Variants in CACNA1H observed in about 807,000 individuals in gnomAD.
The protein encoded by CACNA1H is calcium voltage-gated channel subunit alpha1 H, also known as voltage-dependent T-type calcium channel subunit alpha-1H.
CACNA1H carries 149 observed loss-of-function variants against 192.5 expected under a neutral mutation model. The observed-to-expected ratio is 0.77, with a 90% confidence interval of 0.68 to 0.89. CACNA1H has a LOEUF of 0.89. Among genes scored for constraint, CACNA1H ranks in the 40% least tolerant of loss-of-function variants. The probability of loss-of-function intolerance (pLI) is 0.00; values close to 1 mark genes in which losing one functional copy is unlikely to be tolerated. For missense variants in CACNA1H, 4,257 were observed against 3,423.5 expected (o/e 1.24, Z -6.08); for synonymous variants, 2,202 against 1,475.2 (o/e 1.49, Z -11.29).
intron 2 of CACNA1H, among the ~76,000 whole-genome samples, chr16:1,185,784 G>GGGAC: frequency 1.0e-5 from 1 of 97,940 alleles, no homozygotes; most frequent in Admixed American, 9.4e-5. Flanking sequence ...CCGGAGGCGG[G>GGGAC]GTGTGTATGG....
intron 2 of CACNA1H, among the ~76,000 whole-genome samples, chr16:1,171,259 C>T (rs1030022436): frequency 1.3e-5 from 2 of 152,014 alleles, no homozygotes; most frequent in East Asian, 1.9e-4. Context: ...GCAGCCTGCT[C>T]TGTGGGGCCC....
At chr16:1,219,194 G>T in intron 34 of CACNA1H, 64 bp downstream of exon 34, 1 of 1,421,220 alleles carries the variant, frequency 7.0e-7, no homozygotes, top group Non-Finnish European at 9.3e-7. Context: ...GGGATGCCTC[G>T]TCTCATCTGA....
intron 28 of CACNA1H, 45 bp downstream of exon 28, chr16:1,215,126 CTCTGGGG>C: frequency 1.3e-6 from 2 of 1,588,772 alleles, no homozygotes; most frequent in African/African-American, 1.3e-5. Context: ...CCCCTCAGGG[CTCTGGGG>C]GCTGGGGGCA....
chr16:1,191,997 G>A (rs11248859), intron 2 of CACNA1H, among the ~76,000 whole-genome samples: 54,343 of 152,244 alleles, frequency 0.36, 10,163 homozygotes, highest in African/African-American at 0.42. Context: ...TAGCTCGGGA[G>A]GCCGTCTGCA....
At chr16:1,217,883 G>T in intron 31 of CACNA1H, 36 bp from the exon 32 acceptor site, 1 of 1,568,996 alleles carries the variant, frequency 6.4e-7, no homozygotes, top group Non-Finnish European at 8.7e-7. Flanking sequence ...ACCCGGAGCG[G>T]GCTCGGCTGA....
intron 2 of CACNA1H, among the ~76,000 whole-genome samples, chr16:1,162,681 G>A (rs1963343066): frequency 6.6e-6 from 1 of 151,630 alleles, no homozygotes; most frequent in Admixed American, 6.6e-5. Flanking sequence ...AGCGTCTTGG[G>A]ACCCTGTGAA....
chr16:1,172,438 C>T lies in CACNA1H; in HGVS notation c.299+18402C>T, dbSNP rs375334054. ...GACGGTGGCAGCGCGGCTGCCCTCA[C>T]CCTGCCCTGGGCCTGGCCCGCCTCC... On this transcript the variant is annotated intron_variant, in intron 2 of 34. Coordinates refer to ENST00000348261, the MANE Select transcript of CACNA1H (RefSeq NM_021098.3). 7.9e-5 allele frequency among the ~76,000 whole-genome samples: 12 copies of T among 151,790 alleles called. No homozygotes were observed. The East Asian group carries it at 2.2e-3, about 27-fold the overall frequency.
In CACNA1H at chr16:1,167,434, A is replaced by G. The variant is rs1223164184; in HGVS notation, c.299+13398A>G. 6.6e-6 allele frequency among the ~76,000 whole-genome samples: 1 copy of G among 152,162 alleles called. No individual in the cohort carries two copies. Among genetic ancestry groups the G allele is most frequent in the Non-Finnish European group, 1.5e-5 (1 of 68,024 alleles). ...ATCCATCCCTCCATCCGTCCTCTGG[A>G]GAATTTCAACACCCACACTTGGAAT... On this transcript the variant is annotated intron_variant, in intron 2 of 34. Coordinates refer to ENST00000348261, the MANE Select transcript of CACNA1H (RefSeq NM_021098.3). The surrounding 1 kb of genome is among the most constrained non-coding windows in gnomAD (Gnocchi z 4.2).
intron 2 of CACNA1H, among the ~76,000 whole-genome samples, chr16:1,190,065 G>T (rs181484164): frequency 9.7e-4 from 147 of 152,316 alleles, no homozygotes; most frequent in Admixed American, 1.8e-3. Context: ...ATTGCTGCTG[G>T]TTGGGCCTCA....
At position 1,204,078 on chromosome 16, in the gene CACNA1H, G is replaced by A. The variant is rs377664706; in HGVS notation, c.2071G>A (p.Gly691Ser). 58 of 1,606,280 alleles carry A rather than the reference G, an allele frequency of 3.6e-5. No homozygotes were observed. Among genetic ancestry groups the A allele is most frequent in the Non-Finnish European group, 4.8e-5 (56 of 1,177,200 alleles). ...CTGCCCCCTGCCCAGCCCCCCAGCG[G>A]GCACACTGACCTGTGAGCTGAAGAG... is the stretch of plus-strand genomic sequence containing the variant. ...VPCPLPSPPA[G>S]TLTCELKSCP... The change falls in exon 10 of 35, where the codon GGC becomes AGC. Residue 691 changes from glycine to serine, a missense_variant. Coordinates refer to ENST00000348261, the MANE Select transcript of CACNA1H (RefSeq NM_021098.3).
intron 9 of CACNA1H, among the ~76,000 whole-genome samples, chr16:1,202,955 C>T (rs1162759037): frequency 6.6e-6 from 1 of 152,060 alleles, no homozygotes; most frequent in Admixed American, 6.5e-5. Context: ...TATGCGGGGC[C>T]TGGGCCTCTG....
chr16:1,218,264 G>A lies in CACNA1H; in HGVS notation c.5500G>A (p.Ala1834Thr), dbSNP rs1169710063. ...EDKHCLSYLP[A>T]LSPVYFVTFV... ...CAAGCACTGCCTGAGCTACCTGCCG[G>A]CCCTGTCGCCCGTCTACTTCGTGAC... Residue 1834 changes from alanine (A) to threonine (T), a missense_variant, in exon 33 of 35, where the codon GCC becomes ACC. Physicochemically the swap from Ala to Thr is moderately conservative, Grantham distance 58 (BLOSUM62 0). Coordinates refer to ENST00000348261, the MANE Select transcript of CACNA1H (RefSeq NM_021098.3). The A allele has an allele frequency of 1.9e-6, 3 of 1,551,272 alleles. No individual in the cohort carries two copies. The highest frequency in any genetic ancestry group is 2.0e-5 in the Admixed American group (1 of 51,056).
chr16:1,202,501 G>A (rs1023047051), intron 9 of CACNA1H, 49 bp downstream of exon 9: 1 of 1,424,150 alleles, frequency 7.0e-7, no homozygotes. Context: ...ACCTAGGCAG[G>A]GCGGGCAGGG....
chr16:1,201,577 C>T, intron 8 of CACNA1H, 86 bp from the exon 9 acceptor site: 5 of 1,448,614 alleles, frequency 3.5e-6, no homozygotes, highest in African/African-American at 1.4e-5. Flanking sequence ...GCGGCCCCCA[C>T]TCGAACAGGC....
chr16:1,201,904 G>T lies in CACNA1H; in HGVS notation c.1454G>T (p.Arg485Leu). ...SLRLYARWQS[R>L]WRKKVDPSAV... ...CGCCTCTACGCCCGCTGGCAGAGCC[G>T]CTGGCGCAAGAAGGTGGACCCCAGT... Residue 485 changes from arginine (R) to leucine (L), a missense_variant, in exon 9 of 35, where the codon CGC (arginine) becomes CTC (leucine). Arg to Leu is a moderately radical substitution (Grantham distance 102, BLOSUM62 -2). Coordinates refer to ENST00000348261, the MANE Select transcript of CACNA1H (RefSeq NM_021098.3). 1 of 1,550,458 alleles carries T rather than the reference G, an allele frequency of 6.4e-7. No individual in the cohort carries two copies. The highest frequency in any genetic ancestry group is 8.7e-7 in the Non-Finnish European group (1 of 1,147,110).
At chr16:1,198,569 C>T in intron 5 of CACNA1H, 46 bp from the exon 6 acceptor site, 2 of 1,604,334 alleles carry the variant, frequency 1.2e-6, no homozygotes, top group Admixed American at 1.7e-5. Flanking sequence ...CCCGAGGACA[C>T]TCCTGCAGGG....
chr16:1,201,242 A>C (rs1967852001), intron 8 of CACNA1H, among the ~76,000 whole-genome samples: 1 of 152,166 alleles, frequency 6.6e-6, no homozygotes, highest in African/African-American at 2.4e-5. Flanking sequence ...ACAGAAGCAG[A>C]CAGACGTCCC....
In CACNA1H at chr16:1,195,464, G is replaced by T. The variant is rs560099947; in HGVS notation, c.444G>T (p.Ala148=). The part of the protein sequence containing the change: ...AFDAFIFAFF[A]VEMVIKMVAL... The stretch of plus-strand genomic sequence containing the variant: ...ACGCCTTCATTTTCGCCTTTTTTGC[G>T]GTGGAGATGGTCATCAAGATGGTGG... Residue 148 remains alanine (A), a synonymous_variant, in exon 4 of 35, where the codon GCG becomes GCT. Transcript: ENST00000348261. 1.2e-5 allele frequency: 19 copies of T among 1,571,046 alleles called. No individual in the cohort carries two copies. In the South Asian group the frequency reaches 1.4e-4, roughly 12 times the overall value.
chr16:1,183,546 C>G (rs543642956), intron 2 of CACNA1H, among the ~76,000 whole-genome samples: 8 of 152,362 alleles, frequency 5.3e-5, no homozygotes, highest in African/African-American at 1.7e-4. Flanking sequence ...TTGCCCTCCC[C>G]CTTCCCACCC....
Sources: allele counts gnomAD v4.1 joint callset (sites outside exome capture counted in the v4.1 genomes callset), GRCh38; gene constraint gnomAD v4.1.1; non-coding constraint Gnocchi (gnomAD v3.1); transcripts MANE v1.5; gene names NCBI Gene and HGNC (gene_info 2026-07-23, HGNC 2026-07-21).